Variants in COL25A1 observed in about 807,000 individuals in gnomAD.
COL25A1 encodes the protein collagen alpha-1(XXV) chain.
COL25A1 carries 103 observed loss-of-function variants against 128.4 expected under a neutral mutation model. The ratio of observed to expected loss-of-function variants is 0.80; its 90% CI spans 0.68 to 0.94. The LOEUF (loss-of-function observed/expected upper bound fraction) is 0.94, where lower values mean the gene tolerates loss of function less well. Ranked by LOEUF, COL25A1 falls within the 40% of genes least tolerant of loss-of-function variation. The probability of loss-of-function intolerance (pLI) is 0.00; values close to 1 mark genes in which losing one functional copy is unlikely to be tolerated. For missense variants in COL25A1, 745 were observed against 840.0 expected (o/e 0.89, Z 1.40); for synonymous variants, 279 against 277.2 (o/e 1.01, Z -0.06).
chr4:109,146,348 A>G (rs1770943828), intron 3 of COL25A1, among the ~76,000 whole-genome samples: 1 of 152,236 alleles, frequency 6.6e-6, no homozygotes, highest in African/African-American at 2.4e-5. Context: ...TCAGAATCAT[A>G]AAAGCATCCT....
intron 3 of COL25A1, among the ~76,000 whole-genome samples, chr4:109,245,463 T>C (rs1780196284): frequency 6.6e-6 from 1 of 152,122 alleles, no homozygotes; most frequent in Non-Finnish European, 1.5e-5. Context: ...ATCATATGTG[T>C]GGAGCATGGT....
intron 5 of COL25A1, among the ~76,000 whole-genome samples, chr4:109,041,035 T>C (rs1464851308): frequency 1.3e-5 from 2 of 152,106 alleles, no homozygotes; most frequent in African/African-American, 4.8e-5. Flanking sequence ...AGTCACTTTT[T>C]TTCACAGAAG....
At chr4:109,034,306 T>C (rs1759138710) in intron 5 of COL25A1, among the ~76,000 whole-genome samples, 1 of 152,176 alleles carries the variant, frequency 6.6e-6, no homozygotes. Context: ...AAATGTCATT[T>C]CTGGAAAATT....
intron 3 of COL25A1, among the ~76,000 whole-genome samples, chr4:109,292,671 G>A (rs1724585943): frequency 6.6e-6 from 1 of 152,046 alleles, no homozygotes; most frequent in African/African-American, 2.4e-5. Flanking sequence ...GACACTGGTA[G>A]TAGAACAGAA....
chr4:109,040,093 T>A (rs1526136), intron 5 of COL25A1, among the ~76,000 whole-genome samples: 76,225 of 152,006 alleles, frequency 0.5, 21,158 homozygotes, highest in African/African-American at 0.73. Flanking sequence ...AATAATTTTT[T>A]AAAACATAAG....
intron 5 of COL25A1, among the ~76,000 whole-genome samples, chr4:109,028,145 GAC>G (rs1163949440): frequency 6.6e-6 from 1 of 152,142 alleles, no homozygotes; most frequent in Non-Finnish European, 1.5e-5. Context: ...CATTCACTGA[GAC>G]AGAGTCTCAC....
chr4:109,051,596 T>C (rs529390408), intron 3 of COL25A1, among the ~76,000 whole-genome samples: 4 of 140,870 alleles, frequency 2.8e-5, no homozygotes, highest in African/African-American at 1.1e-4. Context: ...ATAAAGTTAA[T>C]ACATCTGTTC....
rs373589160 is a variant in COL25A1, at chr4:109,023,473, A to G, written c.421-13098T>C. 2.0e-3 allele frequency among the ~76,000 whole-genome samples: 311 copies of G among 152,344 alleles called. 1 individual carries two copies. The highest frequency in any genetic ancestry group is 7.2e-3 in the African/African-American group (301 of 41,576). On this transcript the variant is annotated intron_variant, in intron 5 of 37. Coordinates refer to ENST00000399132, the MANE Select transcript of COL25A1 (RefSeq NM_198721.4). ...GTAACAAGATACCAGTGCTTAGGAA[A>G]TCACTAGAATTGGACATTGATAAAG...
At chr4:109,145,692 T>A (rs1770873118) in intron 3 of COL25A1, among the ~76,000 whole-genome samples, 1 of 151,946 alleles carries the variant, frequency 6.6e-6, no homozygotes, top group Non-Finnish European at 1.5e-5. Context: ...ATACAAAAAA[T>A]TAGCCAGGCA....
At chr4:108,918,495 C>T (rs1194977653) in intron 12 of COL25A1, among the ~76,000 whole-genome samples, 2 of 152,254 alleles carry the variant, frequency 1.3e-5, no homozygotes, top group African/African-American at 2.4e-5. Context: ...ATCAGAGGGC[C>T]ACATGGCTCT....
intron 8 of COL25A1, among the ~76,000 whole-genome samples, chr4:108,963,011 G>A (rs1402406596): frequency 6.6e-6 from 1 of 152,204 alleles, no homozygotes. Context: ...GGACACATTA[G>A]TGCAGGTATG....
chr4:109,293,988 A>G (rs540692821), intron 3 of COL25A1, among the ~76,000 whole-genome samples: 5 of 152,154 alleles, frequency 3.3e-5, no homozygotes, highest in Non-Finnish European at 2.9e-5. Context: ...GAATTTATCT[A>G]CTAAATGAAC....
At chr4:109,026,844 A>G (rs1758347205) in intron 5 of COL25A1, among the ~76,000 whole-genome samples, 1 of 152,174 alleles carries the variant, frequency 6.6e-6, no homozygotes, top group African/African-American at 2.4e-5. Context: ...AAGTGGAGTC[A>G]GAGAAGAAGA....
At chr4:109,027,503 T>C (rs1007437850) in intron 5 of COL25A1, among the ~76,000 whole-genome samples, 8 of 152,022 alleles carry the variant, frequency 5.3e-5, no homozygotes, top group African/African-American at 1.7e-4. Context: ...TAGAAAGCCA[T>C]GGCGAGGAGG....
chr4:109,027,155 C>T (rs77575868), intron 5 of COL25A1, among the ~76,000 whole-genome samples: 71 of 152,230 alleles, frequency 4.7e-4, no homozygotes, highest in African/African-American at 1.7e-3. Context: ...GAGAAGCAGG[C>T]TTTAAGAGAA....
At chr4:109,262,802 A>T (rs1049738657) in intron 3 of COL25A1, among the ~76,000 whole-genome samples, 2 of 152,188 alleles carry the variant, frequency 1.3e-5, no homozygotes, top group African/African-American at 4.8e-5. Flanking sequence ...ATAGTATTTT[A>T]TTAGAGAAAA....
At chr4:109,268,094 A>G (rs1781912658) in intron 3 of COL25A1, among the ~76,000 whole-genome samples, 1 of 152,210 alleles carries the variant, frequency 6.6e-6, no homozygotes, top group African/African-American at 2.4e-5. Context: ...GAAAACTCAC[A>G]TTTGAACATG....
intron 5 of COL25A1, among the ~76,000 whole-genome samples, chr4:109,026,100 G>GCACACACA (rs56718544): frequency 0.05 from 6,891 of 137,048 alleles, 185 homozygotes; most frequent in African/African-American, 0.091. Flanking sequence ...AAAACACTTT[G>GCACACACA]CACACACACA....
intron 3 of COL25A1, among the ~76,000 whole-genome samples, chr4:109,125,560 T>G (rs1360781420): frequency 6.6e-6 from 1 of 152,212 alleles, no homozygotes; most frequent in Non-Finnish European, 1.5e-5. Flanking sequence ...CAACATTTCT[T>G]CGCTTCATTT....
Sources: allele counts gnomAD v4.1 joint callset (sites outside exome capture counted in the v4.1 genomes callset), GRCh38; gene constraint gnomAD v4.1.1; transcripts MANE v1.5; gene names NCBI Gene and HGNC (gene_info 2026-07-23, HGNC 2026-07-21).